ASCC3: variants seen among roughly 807,000 people sequenced by gnomAD.
The protein encoded by ASCC3 is ASC-1 complex subunit P200.
Under a neutral mutation model 256.3 loss-of-function variants are expected in ASCC3, and 158 were observed. The ratio of observed to expected loss-of-function variants is 0.62; its 90% CI spans 0.54 to 0.70. The LOEUF (loss-of-function observed/expected upper bound fraction) is 0.70. ASCC3 is among the 30% of genes least tolerant of loss of function. ASCC3 has a pLI of 0.00. For missense variants in ASCC3, 2,259 were observed against 2,626.0 expected, an observed-to-expected ratio of 0.86 and a Z score of 3.05; for synonymous variants, 948 against 883.4, an observed-to-expected ratio of 1.07 and a Z score of -1.30.
intron 30 of ASCC3, among the ~76,000 whole-genome samples, chr6:100,614,734 G>A (rs1358035783): frequency 6.6e-6 from 1 of 152,140 alleles, no homozygotes; most frequent in Non-Finnish European, 1.5e-5. Context: ...GAGCCCCAGT[G>A]TTTTAGACTA....
At chr6:100,617,934 T>C (rs1773753087) in intron 30 of ASCC3, among the ~76,000 whole-genome samples, 1 of 152,224 alleles carries the variant, frequency 6.6e-6, no homozygotes, top group African/African-American at 2.4e-5. Flanking sequence ...GATGCATCCA[T>C]GTTCATATGT....
intron 13 of ASCC3, among the ~76,000 whole-genome samples, chr6:100,689,689 T>C (rs1358853431): frequency 6.6e-6 from 1 of 152,218 alleles, no homozygotes; most frequent in East Asian, 1.9e-4. Context: ...GCTGAGTTAA[T>C]ACTTTCCATT....
rs866164934 is a variant in ASCC3, at chr6:100,608,462, C to T, written c.4786-1374G>A. On this transcript the variant is annotated intron_variant, in intron 30 of 41. Coordinates refer to ENST00000369162, the MANE Select transcript of ASCC3 (RefSeq NM_006828.4). The stretch of plus-strand genomic sequence containing the variant: ...TTTATATATATTTTATATATATATA[C>T]TTTATATATATATACTTTATATATA... Among the ~76,000 whole-genome samples the T allele has an allele frequency of 9.9e-4, 14 of 14,212 alleles. 2 individuals are homozygous for T. Among genetic ancestry groups the T allele is most frequent in the South Asian group, 9.2e-3 (4 of 434 alleles). 9.3% of individuals were successfully genotyped at this position (14,212 alleles called of 152,430 possible).
chr6:100,666,948 C>T (rs183203145), intron 14 of ASCC3, among the ~76,000 whole-genome samples: 3 of 152,038 alleles, frequency 2.0e-5, no homozygotes, highest in Non-Finnish European at 4.4e-5. Flanking sequence ...AAATTTAAGA[C>T]AAAATCTGAG....
intron 3 of ASCC3, among the ~76,000 whole-genome samples, chr6:100,851,898 C>T (rs1772688225): frequency 1.3e-5 from 2 of 152,310 alleles, no homozygotes; most frequent in South Asian, 4.1e-4. Flanking sequence ...TCCACTTTCA[C>T]CATCTTCCTG....
chr6:100,633,651 A>C (rs1286058602), intron 25 of ASCC3, among the ~76,000 whole-genome samples: 1 of 151,796 alleles, frequency 6.6e-6, no homozygotes, highest in Non-Finnish European at 1.5e-5. Flanking sequence ...GGATCACCTA[A>C]GGTCAGGAGT....
chr6:100,626,832 T>G (rs987821495), intron 29 of ASCC3, among the ~76,000 whole-genome samples: 4 of 152,106 alleles, frequency 2.6e-5, no homozygotes, highest in Non-Finnish European at 5.9e-5. Flanking sequence ...ATCTAATGGA[T>G]TTTTGCTGCT....
intron 37 of ASCC3, among the ~76,000 whole-genome samples, chr6:100,522,605 C>T (rs780963554): frequency 4.6e-5 from 7 of 151,632 alleles, no homozygotes; most frequent in African/African-American, 7.3e-5. Flanking sequence ...ACAGGGGAAG[C>T]AGAGTGGGGT....
intron 13 of ASCC3, among the ~76,000 whole-genome samples, chr6:100,711,475 C>T (rs1167238046): frequency 6.6e-6 from 1 of 152,074 alleles, no homozygotes; most frequent in Non-Finnish European, 1.5e-5. Flanking sequence ...GCCTGTAATC[C>T]CAGCACTTTT....
intron 34 of ASCC3, among the ~76,000 whole-genome samples, chr6:100,592,581 T>C (rs887375808): frequency 5.3e-5 from 8 of 152,082 alleles, no homozygotes; most frequent in African/African-American, 1.9e-4. Flanking sequence ...TTAATATATT[T>C]TGAATTTTTC....
At chr6:100,583,629 GC>G (rs1771452006) in intron 36 of ASCC3, among the ~76,000 whole-genome samples, 2 of 152,116 alleles carry the variant, frequency 1.3e-5, no homozygotes, top group African/African-American at 4.8e-5. Flanking sequence ...CCTTCTGCAA[GC>G]TTTTGAATGT....
At position 100,579,713 on chromosome 6, in the gene ASCC3, C is replaced by T. The variant is rs190832294; in HGVS notation, c.5550+9921G>A. Among the ~76,000 whole-genome samples the T allele has an allele frequency of 5.9e-3, 899 of 152,198 alleles. 8 individuals are homozygous for T. The highest frequency in any genetic ancestry group is 0.021 in the African/African-American group (853 of 41,520). ...TGTCTGTTTTTCTGCTAGCACCATG[C>T]TGTTTTGGTTACTGTAGCCTTGTAG... On this transcript the variant is annotated intron_variant, in intron 36 of 41. Coordinates refer to ENST00000369162, the MANE Select transcript of ASCC3 (RefSeq NM_006828.4).
intron 10 of ASCC3, among the ~76,000 whole-genome samples, chr6:100,725,965 G>GT (rs1779602756): frequency 7.9e-6 from 1 of 126,830 alleles, no homozygotes; most frequent in South Asian, 2.5e-4. Context: ...AAATACACAT[G>GT]TTTTTTTAAA....
In ASCC3 at chr6:100,720,261, G is replaced by A. The variant is rs12660993; in HGVS notation, c.1903-2010C>T. Among the ~76,000 whole-genome samples, 1,947 of 151,998 alleles carry A rather than the reference G, an allele frequency of 0.013. 100 individuals are homozygous for A. The East Asian group carries it at 0.15, about 11-fold the overall frequency. ...ATGAAGACAGAATTCACTATAGTAA[G>A]TTGTGAAATTATAAGGAAGATCATC... On this transcript the variant is annotated intron_variant, in intron 11 of 41. Coordinates refer to ENST00000369162, the MANE Select transcript of ASCC3 (RefSeq NM_006828.4).
At chr6:100,797,025 C>T (rs900776476) in intron 8 of ASCC3, among the ~76,000 whole-genome samples, 3 of 152,094 alleles carry the variant, frequency 2.0e-5, no homozygotes, top group Non-Finnish European at 4.4e-5. Flanking sequence ...CTCAGAAAAA[C>T]TCTTTTACTC....
chr6:100,517,689 T>C (rs1289058875), intron 38 of ASCC3, among the ~76,000 whole-genome samples: 1 of 152,164 alleles, frequency 6.6e-6, no homozygotes, highest in Non-Finnish European at 1.5e-5. Flanking sequence ...TAATGATATC[T>C]TCTTAAATGA....
intron 40 of ASCC3, 134 bp downstream of exon 40, chr6:100,512,575 C>G (rs1169194950): frequency 2.2e-6 from 2 of 929,640 alleles, no homozygotes; most frequent in Non-Finnish European, 3.5e-6. Flanking sequence ...AAGACTAACT[C>G]TCGCTGCTTA....
At chr6:100,600,709 T>A (rs1046848380) in intron 34 of ASCC3, among the ~76,000 whole-genome samples, 1 of 152,132 alleles carries the variant, frequency 6.6e-6, no homozygotes, top group Non-Finnish European at 1.5e-5. Context: ...TGCCTTAACA[T>A]TGACCCTCCC....
chr6:100,567,766 T>C (rs576022173), intron 36 of ASCC3, among the ~76,000 whole-genome samples: 2 of 152,328 alleles, frequency 1.3e-5, no homozygotes, highest in South Asian at 4.1e-4. Context: ...CCATGGTGTA[T>C]ATGTACCACA....
Sources: gnomAD v4.1 joint callset for allele counts (sites outside exome capture counted in the v4.1 genomes callset) on GRCh38, gnomAD v4.1.1 for gene constraint, MANE v1.5 for transcripts, NCBI Gene and HGNC (gene_info 2026-07-23, HGNC 2026-07-21) for gene names.